The following STPG2 variants were observed in gnomAD, a reference collection of about 807,000 sequenced individuals.
The protein encoded by STPG2 is sperm tail PG-rich repeat containing 2, also known as sperm-tail PG-rich repeat-containing protein 2.
STPG2 carries 56 observed loss-of-function variants against 54.2 expected under a neutral mutation model. That is an observed-to-expected ratio of 1.03 (90% CI 0.83 to 1.29). STPG2 has a LOEUF of 1.29. STPG2 is among the 50% of genes most tolerant of loss of function. STPG2 has a pLI of 0.00. For synonymous variants in STPG2, 200 were observed against 181.8 expected (o/e 1.10, Z -0.81); for missense variants, 596 against 544.9 (o/e 1.09, Z -0.93).
intron 8 of STPG2, among the ~76,000 whole-genome samples, chr4:97,921,819 T>C (rs776005983): frequency 6.6e-6 from 1 of 152,168 alleles, no homozygotes; most frequent in African/African-American, 2.4e-5. Flanking sequence ...GGCACATATA[T>C]ACAATGTAAT....
At chr4:97,927,640 T>C (rs751363131) in intron 8 of STPG2, among the ~76,000 whole-genome samples, 8 of 152,102 alleles carry the variant, frequency 5.3e-5, no homozygotes, top group Admixed American at 3.9e-4. Context: ...TACTATCATA[T>C]TCATTTTAGT....
intron 9 of STPG2, among the ~76,000 whole-genome samples, chr4:97,830,733 T>C (rs643250): frequency 0.58 from 88,548 of 151,840 alleles, 26,383 homozygotes; most frequent in East Asian, 0.74. Context: ...TCCTAGTCTC[T>C]GATAAAACAG....
intron 10 of STPG2, among the ~76,000 whole-genome samples, chr4:97,637,064 C>G (rs1219104533): frequency 2.6e-5 from 4 of 152,222 alleles, no homozygotes; most frequent in Non-Finnish European, 4.4e-5. Context: ...GAACAATATC[C>G]TTGATGAACA....
chr4:97,574,388 G>C (rs946432151), intron 10 of STPG2, among the ~76,000 whole-genome samples: 4 of 151,646 alleles, frequency 2.6e-5, no homozygotes, highest in Non-Finnish European at 5.9e-5. Flanking sequence ...GGAACCTTCA[G>C]AAATGAAGAT....
intron 3 of STPG2, among the ~76,000 whole-genome samples, chr4:98,123,264 C>A (rs1373578395): frequency 1.3e-5 from 2 of 152,052 alleles, no homozygotes; most frequent in African/African-American, 4.8e-5. Context: ...TTCTCTAGTT[C>A]TTTTAGTTGT....
At chr4:98,005,169 G>C (rs1390472875) in intron 5 of STPG2, among the ~76,000 whole-genome samples, 1 of 152,116 alleles carries the variant, frequency 6.6e-6, no homozygotes, top group Non-Finnish European at 1.5e-5. Context: ...GACTCAGCAA[G>C]TCAAATCTTT....
At chr4:98,117,049 A>G (rs10005120) in intron 3 of STPG2, among the ~76,000 whole-genome samples, 59,650 of 151,494 alleles carry the variant, frequency 0.39, 11,923 homozygotes, top group Middle Eastern at 0.45. Flanking sequence ...TTAATTATTT[A>G]TGTGAATTTG....
intron 8 of STPG2, among the ~76,000 whole-genome samples, chr4:97,923,722 G>T (rs937162334): frequency 6.6e-6 from 1 of 152,174 alleles, no homozygotes; most frequent in African/African-American, 2.4e-5. Flanking sequence ...TCTGTATCTA[G>T]CTCAAGGTTT....
intron 10 of STPG2, among the ~76,000 whole-genome samples, chr4:97,668,563 G>C (rs970626663): frequency 1.3e-5 from 2 of 150,624 alleles, no homozygotes; most frequent in Non-Finnish European, 3.0e-5. Context: ...TTCAAGAATA[G>C]CTGTAAAGAC....
chr4:98,017,010 G>A (rs1178758964), intron 5 of STPG2, among the ~76,000 whole-genome samples: 2 of 152,186 alleles, frequency 1.3e-5, no homozygotes, highest in Non-Finnish European at 2.9e-5. Context: ...TGGTCAGGTT[G>A]GCCAGGTTCC....
At chr4:97,991,375 A>G (rs773860903) in intron 5 of STPG2, among the ~76,000 whole-genome samples, 10 of 150,464 alleles carry the variant, frequency 6.6e-5, no homozygotes, top group African/African-American at 2.0e-4. Flanking sequence ...GTATATATAT[A>G]TGTATATATA....
At chr4:97,470,044 A>G (rs1207637969) in intron 4 of STPG2, among the ~76,000 whole-genome samples, 2 of 152,114 alleles carry the variant, frequency 1.3e-5, no homozygotes, top group Non-Finnish European at 2.9e-5. Context: ...AGTGAATCCT[A>G]TTGAAACCAC....
chr4:97,470,884 T>A (rs942426863), intron 4 of STPG2, among the ~76,000 whole-genome samples: 7 of 152,148 alleles, frequency 4.6e-5, no homozygotes, highest in Non-Finnish European at 8.8e-5. Flanking sequence ...GGCATTGCGC[T>A]GTAGCATTAG....
chr4:97,829,866 G>A (rs992669874), intron 9 of STPG2, among the ~76,000 whole-genome samples: 1 of 152,082 alleles, frequency 6.6e-6, no homozygotes, highest in African/African-American at 2.4e-5. Flanking sequence ...AAGAAATATG[G>A]AACTGTGTAA....
chr4:97,935,166 A>C (rs1406193354), intron 8 of STPG2, among the ~76,000 whole-genome samples: 2 of 152,104 alleles, frequency 1.3e-5, no homozygotes, highest in Non-Finnish European at 2.9e-5. Flanking sequence ...GTATTATCTA[A>C]TCATTGTTAT....
intron 2 of STPG2, among the ~76,000 whole-genome samples, chr4:98,128,823 A>G (rs13131962): frequency 0.4 from 60,023 of 151,816 alleles, 12,113 homozygotes; most frequent in Middle Eastern, 0.46. Context: ...TCTGTCTCCC[A>G]GGTTCAAGTG....
intron 5 of STPG2, among the ~76,000 whole-genome samples, chr4:97,994,170 C>G (rs1735120279): frequency 6.6e-6 from 1 of 151,996 alleles, no homozygotes; most frequent in Admixed American, 6.6e-5. Flanking sequence ...TTGTATCATT[C>G]TTACCATTCA....
At chr4:97,619,234 T>G (rs1262950637) in intron 10 of STPG2, among the ~76,000 whole-genome samples, 2 of 152,072 alleles carry the variant, frequency 1.3e-5, no homozygotes, top group African/African-American at 4.8e-5. Flanking sequence ...GTTGTGTGTG[T>G]GTGTATGTGT....
chr4:97,848,952 C>T (rs369321938), intron 8 of STPG2, among the ~76,000 whole-genome samples: 32 of 149,390 alleles, frequency 2.1e-4, no homozygotes, highest in African/African-American at 5.5e-4. Flanking sequence ...CAGCTTTGTT[C>T]TTTTGGCTTA....
Sources: gnomAD v4.1 joint callset for allele counts (sites outside exome capture counted in the v4.1 genomes callset) on GRCh38, gnomAD v4.1.1 for gene constraint, MANE v1.5 for transcripts, NCBI Gene and HGNC (gene_info 2026-07-23, HGNC 2026-07-21) for gene names.